CDC40: variants seen among roughly 807,000 people sequenced by gnomAD.
CDC40 encodes cell division cycle 40.
In CDC40, 27 loss-of-function variants were observed where a neutral mutation model predicts 80.6. The ratio of observed to expected loss-of-function variants is 0.33; its 90% confidence interval spans 0.25 to 0.46. The LOEUF (loss-of-function observed/expected upper bound fraction) is 0.46, where lower values mean the gene tolerates loss of function less well. Among genes scored for constraint, CDC40 ranks in the 20% least tolerant of loss-of-function variants. The pLI, the probability that CDC40 is intolerant of heterozygous loss-of-function variation, is 1.00. For synonymous variants in CDC40, 221 were observed against 232.6 expected (o/e 0.95, Z 0.45); for missense variants, 486 against 694.1 (o/e 0.70, Z 3.37).
chr6:110,192,313 A>C (rs999773951), intron 1 of CDC40, among the ~76,000 whole-genome samples: 1 of 152,238 alleles, frequency 6.6e-6, no homozygotes. Context: ...TTTATGTAGA[A>C]GGTAGAAGAC....
intron 2 of CDC40, among the ~76,000 whole-genome samples, chr6:110,199,417 AC>A (rs1387624251): frequency 1.3e-5 from 2 of 151,746 alleles, no homozygotes; most frequent in Admixed American, 1.3e-4. Flanking sequence ...ACACAGTGAA[AC>A]CCCGTCTCTA....
intron 13 of CDC40, among the ~76,000 whole-genome samples, chr6:110,226,951 T>C (rs1777871234): frequency 6.6e-6 from 1 of 151,850 alleles, no homozygotes; most frequent in Non-Finnish European, 1.5e-5. Flanking sequence ...AGCCAGGAGA[T>C]TGACTATGAT....
chr6:110,221,635 G>A (rs948938006), intron 12 of CDC40, among the ~76,000 whole-genome samples: 5 of 152,124 alleles, frequency 3.3e-5, no homozygotes, highest in Non-Finnish European at 7.4e-5. Flanking sequence ...GCATATACAT[G>A]TTCTGTTTTG....
In CDC40 at chr6:110,231,676, T is replaced by C. The variant is rs1252181675; in HGVS notation, c.*1545T>C. ...GCAGCTTGGAGTGCTAACTGGAAGA[T>C]CAAAATCATGTCTCTTGCTGATAAC... On this transcript the variant is annotated 3_prime_UTR_variant, in exon 15 of 15. Transcript: ENST00000307731. 6.6e-6 allele frequency: 1 copy of C among 152,092 alleles called. No homozygotes were observed. The highest frequency in any genetic ancestry group is 2.4e-5 in the African/African-American group (1 of 41,404). The allele number at this position is 152,092 out of a possible 1,614,324, so 9.4% of individuals were successfully genotyped here.
chr6:110,198,901 T>C (rs1382268549), intron 2 of CDC40: 2 of 152,234 alleles, frequency 1.3e-5, no homozygotes, highest in African/African-American at 4.8e-5. Flanking sequence ...TTTTTAATGG[T>C]TGTTCCAGAA....
intron 2 of CDC40, chr6:110,199,040 C>T (rs1263601195): frequency 6.6e-6 from 1 of 152,174 alleles, no homozygotes; most frequent in African/African-American, 2.4e-5. Flanking sequence ...TCTTTAAGGT[C>T]AGCTCCAATA....
intron 3 of CDC40, among the ~76,000 whole-genome samples, chr6:110,202,368 A>G (rs1777504390): frequency 6.6e-6 from 1 of 152,330 alleles, no homozygotes; most frequent in South Asian, 2.1e-4. Flanking sequence ...ATGGTTACAA[A>G]TATGTTATAC....
chr6:110,188,865 A>G (rs1172819380), intron 1 of CDC40, among the ~76,000 whole-genome samples: 1 of 152,196 alleles, frequency 6.6e-6, no homozygotes, highest in Non-Finnish European at 1.5e-5. Flanking sequence ...TTCTGTGATG[A>G]TTAATTTTGA....
At chr6:110,227,413 A>C (rs1395229102) in intron 13 of CDC40, among the ~76,000 whole-genome samples, 1 of 152,204 alleles carries the variant, frequency 6.6e-6, no homozygotes, top group Non-Finnish European at 1.5e-5. Flanking sequence ...TTTTATGAGA[A>C]GAGAAACCTA....
intron 1 of CDC40, among the ~76,000 whole-genome samples, chr6:110,192,717 T>C (rs1777367581): frequency 6.6e-6 from 1 of 152,218 alleles, no homozygotes; most frequent in Non-Finnish European, 1.5e-5. Flanking sequence ...AAATATTAAC[T>C]GAGATTATAA....
intron 9 of CDC40, among the ~76,000 whole-genome samples, chr6:110,216,805 T>G (rs937262828): frequency 1.3e-5 from 2 of 152,212 alleles, no homozygotes; most frequent in African/African-American, 4.8e-5. Context: ...CTGTAACTTT[T>G]AAAAGAGTTG....
At chr6:110,198,960 T>C (rs1309961894) in intron 2 of CDC40, 2 of 152,172 alleles carry the variant, frequency 1.3e-5, no homozygotes, top group African/African-American at 2.4e-5. Flanking sequence ...GAGAAACCTA[T>C]CTTGAGTAAT....
rs111621280 is a variant in CDC40, at chr6:110,201,401, T to A, written c.277-157T>A. 5.5e-3 allele frequency among the ~76,000 whole-genome samples: 838 copies of A among 152,316 alleles called. 12 individuals are homozygous for A. Among genetic ancestry groups the A allele is most frequent in the African/African-American group, 0.02 (812 of 41,578 alleles). Reference sequence around the variant, plus strand: ...GCTGACAAATGGTGCTAATCAGCCATTGCCCAGCTGCACTGAACCGTATCA... The same window carrying A: ...GCTGACAAATGGTGCTAATCAGCCAATGCCCAGCTGCACTGAACCGTATCA... On this transcript the variant is annotated intron_variant, in intron 2 of 14. Transcript: ENST00000307731.
Position 110,180,622 on chromosome 6 carries a change from G to A in CDC40, c.178G>A (p.Val60Met). The change falls in exon 1 of 15, where the codon GTG becomes ATG. Residue 60 changes from valine to methionine, a missense_variant. Coordinates refer to ENST00000307731, the MANE Select transcript of CDC40 (RefSeq NM_015891.3). ...LAVAVDSAPE[V>M]AVKEDLETGV... is the part of the protein sequence containing the mutation. ...AGTGGCAGTGGACTCGGCTCCGGAG[G>A]TGGCAGTTAAGGTAAGCACTTTTGC... 5 of 1,612,762 alleles carry A rather than the reference G, an allele frequency of 3.1e-6. No individual in the cohort carries two copies. The highest frequency in any genetic ancestry group is 4.2e-6 in the Non-Finnish European group (5 of 1,178,812).
chr6:110,210,847 A>C, intron 6 of CDC40, 44 bp downstream of exon 6: 1 of 1,033,566 alleles, frequency 9.7e-7, no homozygotes, highest in Non-Finnish European at 1.4e-6. Context: ...AAAAACCTTC[A>C]TATTTACTCT....
At chr6:110,221,879 T>A (rs77721447) in intron 12 of CDC40, among the ~76,000 whole-genome samples, 2 of 151,850 alleles carry the variant, frequency 1.3e-5, no homozygotes, top group Non-Finnish European at 2.9e-5. Flanking sequence ...TTTTTTTTTT[T>A]TTTCATTTCC....
chr6:110,209,024 G>C (rs1246943359), intron 4 of CDC40, 60 bp from the exon 5 acceptor site: 34 of 1,042,332 alleles, frequency 3.3e-5, no homozygotes, highest in African/African-American at 4.9e-5. Context: ...TATTTCTTTA[G>C]AAAATGTACA....
chr6:110,225,159 A>G (rs557066172), intron 12 of CDC40, among the ~76,000 whole-genome samples: 5 of 152,340 alleles, frequency 3.3e-5, no homozygotes, highest in African/African-American at 1.2e-4. Context: ...GGATAAATAG[A>G]GAAAATCCTT....
chr6:110,207,602 A>G lies in CDC40; in HGVS notation c.490+13A>G, dbSNP rs1032582006. On this transcript the variant is annotated intron_variant, in intron 4 of 14. Transcript: ENST00000307731. ...GAAAAAAATCAAGGTAATTTATTTG[A>G]AACATTTGATATCATATATACCTAC... 2 of 1,362,688 alleles carry G rather than the reference A, an allele frequency of 1.5e-6. No homozygotes were observed. The highest frequency in any genetic ancestry group is 2.1e-6 in the Non-Finnish European group (2 of 952,238). The allele number at this position is 1,362,688 out of a possible 1,614,324, so 84.4% of individuals were successfully genotyped here.
Sources: gnomAD v4.1 joint callset for allele counts (sites outside exome capture counted in the v4.1 genomes callset) on GRCh38, gnomAD v4.1.1 for gene constraint, MANE v1.5 for transcripts, NCBI Gene and HGNC (gene_info 2026-07-23, HGNC 2026-07-21) for gene names.